Variants in DMD observed in about 807,000 individuals in gnomAD.
DMD encodes the protein mutant dystrophin.
DMD carries 63 observed loss-of-function variants against 330.1 expected under a neutral mutation model. That is an observed-to-expected ratio of 0.19 (90% CI 0.16 to 0.24). DMD has a LOEUF of 0.24. Ranked by LOEUF, DMD falls within the 10% of genes least tolerant of loss-of-function variation. DMD has a pLI of 1.00. For synonymous variants in DMD, 1,223 were observed against 959.8 expected, an observed-to-expected ratio of 1.27 and a Z score of -5.07; for missense variants, 3,344 against 2,684.1, an observed-to-expected ratio of 1.25 and a Z score of -5.43.
intron 2 of DMD, among the ~76,000 whole-genome samples, chrX:32,988,377 T>A (rs1416824667): frequency 1.8e-5 from 2 of 111,659 alleles, no homozygotes; most frequent in Non-Finnish European, 3.8e-5. Context: ...AGTCTGGTGA[T>A]CCTTTCCATA....
chrX:31,499,882 G>A (rs1283669873), intron 56 of DMD, among the ~76,000 whole-genome samples: 1 of 112,138 alleles, frequency 8.9e-6, no homozygotes, highest in Admixed American at 9.4e-5. Context: ...AGTCAAGAGA[G>A]CTAATACAGC....
chrX:32,221,746 C>G (rs1165033686), intron 43 of DMD, among the ~76,000 whole-genome samples: 1 of 111,632 alleles, frequency 9.0e-6, no homozygotes, highest in Non-Finnish European at 1.9e-5. Context: ...GTCCATTCTA[C>G]CACTCTGTCT....
At chrX:31,817,057 T>G (rs2092649498) in intron 50 of DMD, among the ~76,000 whole-genome samples, 1 of 111,439 alleles carries the variant, frequency 9.0e-6, no homozygotes. Flanking sequence ...TCTAGCTGTG[T>G]GGCCTTAATC....
chrX:32,029,704 T>G (rs1037895264), intron 44 of DMD, among the ~76,000 whole-genome samples: 2 of 112,096 alleles, frequency 1.8e-5, no homozygotes, highest in Non-Finnish European at 3.8e-5. Context: ...TTTGGATGAA[T>G]CTTCCTCATA....
intron 9 of DMD, among the ~76,000 whole-genome samples, chrX:32,658,163 G>T (rs988632390): frequency 9.0e-6 from 1 of 110,765 alleles, no homozygotes; most frequent in Non-Finnish European, 1.9e-5. Flanking sequence ...TTGGAATTTT[G>T]CTTTTTTTCT....
chrX:31,565,136 CT>C (rs1440187845), intron 55 of DMD, among the ~76,000 whole-genome samples: 2 of 111,828 alleles, frequency 1.8e-5, no homozygotes, highest in East Asian at 5.6e-4. Flanking sequence ...CAGTATACCC[CT>C]GACCCCGTCT....
intron 2 of DMD, among the ~76,000 whole-genome samples, chrX:32,985,227 C>T (rs1039791329): frequency 2.0e-4 from 22 of 110,885 alleles, no homozygotes; most frequent in African/African-American, 7.1e-4. Flanking sequence ...CACACATGCA[C>T]AGCTATAGAA....
At chrX:33,088,663 C>T (rs764418551) in intron 1 of DMD, among the ~76,000 whole-genome samples, 1 of 110,443 alleles carries the variant, frequency 9.1e-6, no homozygotes, top group East Asian at 2.9e-4. Flanking sequence ...CCAGCCTGGG[C>T]GACAGAGCGA....
chrX:33,251,741 T>C (rs1466442294), intron 1 of DMD, among the ~76,000 whole-genome samples: 2 of 112,118 alleles, frequency 1.8e-5, no homozygotes, highest in African/African-American at 6.5e-5. Context: ...TCCCCAGAGA[T>C]ACCAACTGAG....
intron 44 of DMD, among the ~76,000 whole-genome samples, chrX:32,194,781 C>A (rs2096991476): frequency 9.0e-6 from 1 of 111,703 alleles, no homozygotes; most frequent in African/African-American, 3.3e-5. Flanking sequence ...GAAAGGTTGA[C>A]TTAAGAAGAA....
chrX:33,050,517 G>A (rs1003877904), intron 1 of DMD, among the ~76,000 whole-genome samples: 2 of 111,471 alleles, frequency 1.8e-5, no homozygotes, highest in Admixed American at 9.6e-5. Flanking sequence ...CCTTCATCAC[G>A]GCTTCATTTT....
intron 51 of DMD, among the ~76,000 whole-genome samples, chrX:31,761,943 A>AAAATCC (rs1256402664): frequency 8.9e-6 from 1 of 112,417 alleles, no homozygotes; most frequent in African/African-American, 3.2e-5. Context: ...CTTAGCTAAA[A>AAAATCC]AAATCCAAAT....
intron 2 of DMD, among the ~76,000 whole-genome samples, chrX:32,937,203 A>G (rs927809264): frequency 9.0e-6 from 1 of 110,936 alleles, no homozygotes; most frequent in African/African-American, 3.3e-5. Flanking sequence ...AGCCAGACCC[A>G]ATAGAAATGC....
chrX:32,251,204 A>G (rs1334775086), intron 43 of DMD, among the ~76,000 whole-genome samples: 1 of 110,841 alleles, frequency 9.0e-6, no homozygotes, highest in African/African-American at 3.3e-5. Context: ...ATTAAAAAAA[A>G]AAGTTCCTCA....
intron 1 of DMD, among the ~76,000 whole-genome samples, chrX:33,123,609 G>C (rs2095438644): frequency 9.2e-6 from 1 of 108,889 alleles, no homozygotes; most frequent in Admixed American, 9.9e-5. Context: ...GGAGAGACAG[G>C]GTTTCGCCAT....
At position 32,252,921 on chromosome X, in the gene DMD, G is replaced by GATATATAAATATATATATACATAAAT. The variant is rs1569553800; in HGVS notation, c.6290+34582_6290+34607dup. Among the ~76,000 whole-genome samples the GATATATAAATATATATATACATAAAT allele has an allele frequency of 5.5e-3, 344 of 62,462 alleles. 2 individuals carry two copies. Among genetic ancestry groups the GATATATAAATATATATATACATAAAT allele is most frequent in the African/African-American group, 0.023 (328 of 14,480 alleles). 54.2% of individuals were successfully genotyped at this position (62,462 alleles called of 115,157 possible). A position where few individuals can be genotyped will look rare whatever the true frequency, so the allele number is the denominator to read the frequency against. On this transcript the variant is annotated intron_variant, in intron 43 of 78. Coordinates refer to ENST00000357033, the MANE Select transcript of DMD (RefSeq NM_004006.3). ...ATAAATATATACATAAATATATATA[G>GATATATAAATATATATATACATAAAT]ATATATAAATATATATATACATAAA...
chrX:32,039,349 G>C (rs7052394), intron 44 of DMD, among the ~76,000 whole-genome samples: 12,097 of 111,049 alleles, frequency 0.11, 914 homozygotes, highest in East Asian at 0.33. Flanking sequence ...TCAATTATTT[G>C]CTTCAAATTA....
At chrX:32,778,963 G>A (rs771085858) in intron 7 of DMD, among the ~76,000 whole-genome samples, 3 of 111,423 alleles carry the variant, frequency 2.7e-5, no homozygotes, top group Admixed American at 9.5e-5. Context: ...GTTTAAATAT[G>A]CAGGTTTAAA....
chrX:33,193,046 C>T (rs1478759776), intron 1 of DMD, among the ~76,000 whole-genome samples: 1 of 111,992 alleles, frequency 8.9e-6, no homozygotes, highest in Non-Finnish European at 1.9e-5. Context: ...GTGGCTCACA[C>T]CTATAAACCC....
Sources: allele counts gnomAD v4.1 joint callset (sites outside exome capture counted in the v4.1 genomes callset), GRCh38; gene constraint gnomAD v4.1.1; transcripts MANE v1.5; gene names NCBI Gene and HGNC (gene_info 2026-07-23, HGNC 2026-07-21).